IDO2: variants seen among roughly 807,000 people sequenced by gnomAD.
The protein encoded by IDO2 is indoleamine 2,3-dioxygenase 2, also known as indoleamine 2,3-dioxygenase-like 1 protein.
IDO2 carries 46 observed loss-of-function variants against 45.1 expected under a neutral mutation model. That is an observed-to-expected ratio of 1.02 (90% CI 0.80 to 1.30). The LOEUF is 1.30. Among genes scored for constraint, IDO2 ranks in the 50% most tolerant of loss-of-function variants. The pLI is 0.00. For missense variants in IDO2, 544 were observed against 491.8 expected (o/e 1.11, Z -1.00); for synonymous variants, 218 against 184.9 (o/e 1.18, Z -1.45).
chr8:39,945,292 T>C (rs993041812), intron 1 of IDO2, among the ~76,000 whole-genome samples: 5 of 152,216 alleles, frequency 3.3e-5, no homozygotes, highest in African/African-American at 1.2e-4. Context: ...GAGTTATGAA[T>C]ATTTATGAAA....
Position 39,935,086 on chromosome 8 carries a change from T to G in IDO2, c.-150T>G. 1.1e-6 allele frequency: 1 copy of G among 948,986 alleles called. No homozygotes were observed. The highest frequency in any genetic ancestry group is 1.6e-5 in the African/African-American group (1 of 62,176). The allele number at this position is 948,986 out of a possible 1,614,324, so 58.8% of individuals were successfully genotyped here. A position where few individuals can be genotyped will look rare whatever the true frequency, so the allele number is the denominator to read the frequency against. On this transcript the variant is annotated 5_prime_UTR_variant, in exon 1 of 11. It adds an upstream start codon to the 5' untranslated region. Coordinates refer to ENST00000502986, the Ensembl canonical transcript of IDO2. ...TTTAAAGACAAGGATTGGATTAGAT[T>G]TGACATTAGAAATGTACCATAATAC...
rs369173777 is a variant in IDO2, at chr8:40,002,557, G to A, written c.668-2770G>A. On this transcript the variant is annotated intron_variant, in intron 8 of 10. Transcript: ENST00000502986. ...CGCCTGTAATCCCAGCACTTTGGGA[G>A]GCTGAGGAGGGCAGATCACTTGAGG... Among the ~76,000 whole-genome samples, 4 of 152,322 alleles carry A rather than the reference G, an allele frequency of 2.6e-5. No individual in the cohort carries two copies. In the East Asian group the frequency reaches 5.8e-4, roughly 22 times the overall value.
At chr8:39,993,630 A>T (rs1215760732) in intron 8 of IDO2, among the ~76,000 whole-genome samples, 1 of 152,206 alleles carries the variant, frequency 6.6e-6, no homozygotes, top group Non-Finnish European at 1.5e-5. Context: ...ATTGGAAAGT[A>T]ATTAACACTG....
intron 9 of IDO2, among the ~76,000 whole-genome samples, chr8:40,007,377 G>A (rs1346937501): frequency 6.6e-6 from 1 of 152,018 alleles, no homozygotes; most frequent in Admixed American, 6.6e-5. Context: ...GAGGGAGTGG[G>A]GATGGAATCC....
intron 3 of IDO2, 52 bp from the exon 4 acceptor site, chr8:39,979,015 C>G: frequency 6.5e-7 from 1 of 1,546,516 alleles, no homozygotes; most frequent in Non-Finnish European, 8.8e-7. Flanking sequence ...CGTTACCTCC[C>G]CTGTCCCGGT....
intron 8 of IDO2, among the ~76,000 whole-genome samples, chr8:39,993,035 C>G (rs931865149): frequency 1.3e-5 from 2 of 152,126 alleles, no homozygotes; most frequent in Non-Finnish European, 2.9e-5. Context: ...AGGCAGAAGT[C>G]CACACGGTAC....
intron 2 of IDO2, among the ~76,000 whole-genome samples, chr8:39,956,262 A>G (rs2129593591): frequency 6.6e-6 from 1 of 152,090 alleles, no homozygotes; most frequent in African/African-American, 2.4e-5. Flanking sequence ...GGATTTCCCC[A>G]TGTTGGCCAG....
intron 3 of IDO2, among the ~76,000 whole-genome samples, chr8:39,968,352 A>G (rs2048733024): frequency 1.3e-5 from 2 of 152,188 alleles, no homozygotes; most frequent in Admixed American, 6.5e-5. Flanking sequence ...GTTACTAGAG[A>G]CAGGTAAGGA....
intron 2 of IDO2, among the ~76,000 whole-genome samples, chr8:39,952,767 C>T (rs902606489): frequency 3.2e-4 from 47 of 148,770 alleles, no homozygotes; most frequent in African/African-American, 1.2e-3. Flanking sequence ...AAATGAGGCT[C>T]TGGAGTTCAG....
chr8:39,951,712 A>T (rs1807817088), intron 2 of IDO2, among the ~76,000 whole-genome samples: 1 of 152,148 alleles, frequency 6.6e-6, no homozygotes, highest in Admixed American at 6.5e-5. Context: ...TATACATCTA[A>T]CCCAATTCAG....
chr8:39,983,722 C>T (rs183840681), intron 5 of IDO2, among the ~76,000 whole-genome samples: 120 of 152,104 alleles, frequency 7.9e-4, no homozygotes, highest in South Asian at 7.5e-3. Flanking sequence ...AAAAATTAGC[C>T]GGGCATGGTG....
At chr8:39,985,484 C>A in intron 5 of IDO2, 24 bp from the exon 6 acceptor site, 1 of 1,553,104 alleles carries the variant, frequency 6.4e-7, no homozygotes, top group South Asian at 1.2e-5. Context: ...TCTTGGTGGT[C>A]ATCAATAACT....
intron 2 of IDO2, among the ~76,000 whole-genome samples, chr8:39,956,059 CTT>C (rs34663844): frequency 0.19 from 24,852 of 131,276 alleles, 2,206 homozygotes; most frequent in East Asian, 0.3. Flanking sequence ...CATTAGATGA[CTT>C]TTTTTTTTTT....
At chr8:39,976,231 C>T (rs1238921642) in intron 3 of IDO2, among the ~76,000 whole-genome samples, 1 of 152,268 alleles carries the variant, frequency 6.6e-6, no homozygotes, top group South Asian at 2.1e-4. Context: ...CCCGTCTCAG[C>T]CTCCCAAAAT....
At chr8:39,978,934 T>A in intron 3 of IDO2, 133 bp from the exon 4 acceptor site, 1 of 808,330 alleles carries the variant, frequency 1.2e-6, no homozygotes, top group Non-Finnish European at 2.0e-6. Context: ...GCGGGCTCTT[T>A]GTACCTTCAT....
chr8:39,960,942 C>CTG (rs1807985617), intron 2 of IDO2, among the ~76,000 whole-genome samples: 1 of 148,616 alleles, frequency 6.7e-6, no homozygotes, highest in Non-Finnish European at 1.5e-5. Flanking sequence ...GCCAACACGC[C>CTG]CAGCTAATTT....
intron 1 of IDO2, among the ~76,000 whole-genome samples, chr8:39,942,635 G>A (rs1327594289): frequency 6.6e-6 from 1 of 150,840 alleles, no homozygotes; most frequent in Admixed American, 6.6e-5. Context: ...ATGAGACTCT[G>A]TATAACAAAC....
intron 1 of IDO2, among the ~76,000 whole-genome samples, chr8:39,946,465 G>A (rs997020366): frequency 3.9e-5 from 6 of 152,106 alleles, no homozygotes; most frequent in African/African-American, 9.7e-5. Flanking sequence ...AAATTAGCTG[G>A]GCATGGTGGC....
At chr8:39,982,294 A>T (rs1208036224) in intron 4 of IDO2, among the ~76,000 whole-genome samples, 4 of 151,278 alleles carry the variant, frequency 2.6e-5, no homozygotes, top group African/African-American at 9.7e-5. Context: ...TTACCTATCT[A>T]TCAAAATTTT....
Sources: gnomAD v4.1 joint callset for allele counts (sites outside exome capture counted in the v4.1 genomes callset) on GRCh38, gnomAD v4.1.1 for gene constraint, MANE v1.5 for transcripts, NCBI Gene and HGNC (gene_info 2026-07-23, HGNC 2026-07-21) for gene names.